Variants in NADK observed in about 807,000 individuals in gnomAD.
The protein encoded by NADK is poly(P)/ATP NAD kinase.
NADK carries 22 observed loss-of-function variants against 49.8 expected under a neutral mutation model. That is an observed-to-expected ratio of 0.44 (90% CI 0.32 to 0.63). The LOEUF (loss-of-function observed/expected upper bound fraction) is 0.63. NADK is among the 30% of genes least tolerant of loss of function. The pLI is 0.06. For missense variants in NADK, 438 were observed against 609.4 expected, an observed-to-expected ratio of 0.72 and a Z score of 2.96; for synonymous variants, 268 against 253.7, an observed-to-expected ratio of 1.06 and a Z score of -0.54.
chr1:1,765,586 A>T, intron 1 of NADK, 140 bp from the exon 2 acceptor site: 1 of 465,076 alleles, frequency 2.2e-6, no homozygotes, highest in Non-Finnish European at 3.6e-6. Context: ...TTGAAAACAG[A>T]CTGTTTCCAT....
intron 3 of NADK, chr1:1,759,253 A>G (rs1423009364): frequency 1.3e-6 from 2 of 1,562,694 alleles, no homozygotes; most frequent in African/African-American, 2.7e-5. Flanking sequence ...CCTGCAAAGC[A>G]GGACACCAGC....
rs1477701590 is a variant in NADK, at chr1:1,757,444, C to T, written c.264-134G>A. 12 of 771,870 alleles carry T rather than the reference C, an allele frequency of 1.6e-5. No individual in the cohort carries two copies. In the East Asian group the frequency reaches 2.1e-4, roughly 13 times the overall value. 47.8% of individuals were successfully genotyped at this position (771,870 alleles called of 1,614,324 possible). On this transcript the variant is annotated intron_variant, in intron 3 of 11. Transcript: ENST00000341426. ...CCCAGGGAAACGTGCTCGGTGGCCA[C>T]GGGCTCACAGGGCCTAGGGTCGCGC...
At chr1:1,756,761 GC>G in intron 4 of NADK, 153 bp from the exon 5 acceptor site, 1 of 1,315,422 alleles carries the variant, frequency 7.6e-7, no homozygotes, top group Non-Finnish European at 1.1e-6. Context: ...TCACCAACGC[GC>G]CAGGAGGAAG....
In NADK at chr1:1,752,620, A is replaced by T. The variant is rs1456109109; in HGVS notation, c.*284T>A. ...TGCGGAAAAATATCCTGGCATGGAA[A>T]TTGCGGCAGCTGGAGGCCGCGCTCC... is the stretch of plus-strand genomic sequence containing the variant. On this transcript the variant is annotated 3_prime_UTR_variant, in exon 12 of 12. Coordinates refer to ENST00000341426, the MANE Select transcript of NADK (RefSeq NM_023018.5). 2.8e-6 allele frequency: 1 copy of T among 353,632 alleles called. No homozygotes were observed. The highest frequency in any genetic ancestry group is 5.1e-6 in the Non-Finnish European group (1 of 195,564). The allele number at this position is 353,632 out of a possible 1,614,324, so 21.9% of individuals were successfully genotyped here.
Position 1,754,670 on chromosome 1 carries a change from C to T in NADK, c.717G>A (p.Arg239=), listed in dbSNP as rs776448861. The change falls in exon 8 of 12, where the codon CGG becomes CGA. Residue 239 remains arginine (R), a synonymous_variant. Coordinates refer to ENST00000341426, the MANE Select transcript of NADK (RefSeq NM_023018.5). The surrounding 1 kb of genome is among the most constrained non-coding windows in gnomAD (Gnocchi z 4.3). The part of the protein sequence containing the change: ...EGNAAVVLRS[R]LKVRVVKELR... ...GCTCCTTCACCACCCTGACCTTCAG[C>T]CGACTCCGGAGAACAACAGCTGCGT... 1 of 1,613,700 alleles carries T rather than the reference C, an allele frequency of 6.2e-7. No individual in the cohort carries two copies. The highest frequency in any genetic ancestry group is 1.7e-5 in the Admixed American group (1 of 59,958).
Position 1,754,382 on chromosome 1 carries a change from A to T in NADK, c.845T>A (p.Val282Asp). The change falls in exon 9 of 12, where the codon GTC (valine) becomes GAC (aspartate). Residue 282 changes from valine (V) to aspartate (D), a missense_variant and splice_region_variant. Transcript: ENST00000341426. This position sits in a 1 kb window ranked among gnomAD's most constrained non-coding sequence, Gnocchi z 4.3. ...TCTGTCAATCACCACCTCATTCAGG[A>T]CCTGGAGGGGCGACAGCATTGCACA... ...DVGKQAMQYQ[V>D]LNEVVIDRGP... The T allele has an allele frequency of 6.2e-7, 1 of 1,613,750 alleles. No homozygotes were observed. The highest frequency in any genetic ancestry group is 8.5e-7 in the Non-Finnish European group (1 of 1,179,838).
In NADK at chr1:1,754,040, T is replaced by A. The variant is rs367553216; in HGVS notation, c.1101+11A>T. On this transcript the variant is annotated intron_variant, in intron 10 of 11. Transcript: ENST00000341426. This position sits in a 1 kb window ranked among gnomAD's most constrained non-coding sequence, Gnocchi z 4.3. ...CTCACAAACCGGAAAAGGAGTGTCG[T>A]TGGCTCTGACCTTCAGCTCGACCCC... 3.8e-6 allele frequency: 6 copies of A among 1,565,098 alleles called. No homozygotes were observed. The highest frequency in any genetic ancestry group is 2.7e-5 in the African/African-American group (2 of 72,752).
intron 3 of NADK, among the ~76,000 whole-genome samples, chr1:1,761,166 TA>T (rs1458940853): frequency 1.3e-5 from 2 of 152,242 alleles, no homozygotes; most frequent in Non-Finnish European, 2.9e-5. Flanking sequence ...CTAATTTTTG[TA>T]CTTTTAGTAG....
chr1:1,775,777 A>C (rs891185872), intron 1 of NADK, among the ~76,000 whole-genome samples: 3 of 152,184 alleles, frequency 2.0e-5, no homozygotes, highest in African/African-American at 7.2e-5. Flanking sequence ...TGAAGCACAC[A>C]CACACATTTT....
chr1:1,768,839 G>A (rs1272267727), intron 1 of NADK, among the ~76,000 whole-genome samples: 1 of 152,232 alleles, frequency 6.6e-6, no homozygotes, highest in Admixed American at 6.5e-5. Context: ...GGCAAGGTGG[G>A]CAGAAGGAAA....
chr1:1,776,949 A>AG (rs1646230200), intron 1 of NADK, among the ~76,000 whole-genome samples: 1 of 146,692 alleles, frequency 6.8e-6, no homozygotes, highest in Non-Finnish European at 1.5e-5. Flanking sequence ...GTGGTGGTGC[A>AG]GGCCTGTAAT....
intron 1 of NADK, among the ~76,000 whole-genome samples, chr1:1,771,091 T>C (rs186808967): frequency 0.026 from 3,744 of 145,078 alleles, 67 homozygotes; most frequent in Middle Eastern, 0.054. Context: ...CACACACACA[T>C]ATATTATTAA....
At chr1:1,758,541 C>A in intron 3 of NADK, 1 of 1,587,638 alleles carries the variant, frequency 6.3e-7, no homozygotes, top group African/African-American at 1.3e-5. Context: ...TCGGTATGGT[C>A]CTGACTGTGC....
At chr1:1,757,147 C>CT in intron 4 of NADK, 34 bp downstream of exon 4, 1 of 1,417,170 alleles carries the variant, frequency 7.1e-7, no homozygotes, top group Non-Finnish European at 9.7e-7. Context: ...ACTCCATGTG[C>CT]ACCCCAGGCC....
intron 1 of NADK, among the ~76,000 whole-genome samples, chr1:1,768,464 AG>A (rs1478209867): frequency 1.3e-5 from 2 of 152,112 alleles, no homozygotes; most frequent in Admixed American, 6.6e-5. Flanking sequence ...CTCCGGCAAG[AG>A]GATCAATGAG....
At position 1,752,167 on chromosome 1, in the gene NADK, A is replaced by C. The variant is rs1645345837; in HGVS notation, c.*737T>G. ...AAATCTTCACAAAAGTGTGTACGAG[A>C]AAGTATGTACATCAGCACTTCAGAA... On this transcript the variant is annotated 3_prime_UTR_variant, in exon 12 of 12. Transcript: ENST00000341426. The C allele has an allele frequency of 6.6e-6, 1 of 152,616 alleles. No homozygotes were observed. 9.5% of individuals were successfully genotyped at this position (152,616 alleles called of 1,614,324 possible).
At chr1:1,758,687 A>AC (rs79655042) in intron 3 of NADK, 3 of 1,388,764 alleles carry the variant, frequency 2.2e-6, no homozygotes, top group South Asian at 1.7e-5. Flanking sequence ...AACAAAACAA[A>AC]ACAGTTTCCT....
chr1:1,758,403 G>A (rs1219099666), intron 3 of NADK: 4 of 1,611,680 alleles, frequency 2.5e-6, no homozygotes, highest in Non-Finnish European at 3.4e-6. Context: ...GGTCACTCAT[G>A]CCATCCCCTA....
intron 3 of NADK, chr1:1,761,521 T>C (rs1645725130): frequency 5.6e-6 from 1 of 179,946 alleles, no homozygotes; most frequent in African/African-American, 2.3e-5. Flanking sequence ...GCAGAATGTG[T>C]TGACAAACTG....
Sources: allele counts gnomAD v4.1 joint callset (sites outside exome capture counted in the v4.1 genomes callset), GRCh38; gene constraint gnomAD v4.1.1; non-coding constraint Gnocchi (gnomAD v3.1); transcripts MANE v1.5; gene names NCBI Gene and HGNC (gene_info 2026-07-23, HGNC 2026-07-21).